FRMPD1: variants seen among roughly 807,000 people sequenced by gnomAD.
FRMPD1 encodes the protein FERM and PDZ domain-containing protein 1.
A neutral mutation model predicts 117.8 loss-of-function variants in FRMPD1; 76 were observed. The ratio of observed to expected loss-of-function variants is 0.65; its 90% CI spans 0.54 to 0.78. FRMPD1 has a LOEUF of 0.78. Among genes scored for constraint, FRMPD1 ranks in the 30% least tolerant of loss-of-function variants. The pLI is 0.00. For missense variants in FRMPD1, 1,786 were observed against 1,964.5 expected (o/e 0.91, Z 1.72); for synonymous variants, 783 against 770.4 (o/e 1.02, Z -0.27).
the FRMPD1 span, among the ~76,000 whole-genome samples, chr9:37,616,409 G>T: frequency 1.3e-5 from 2 of 152,214 alleles, no homozygotes; most frequent in Admixed American, 1.3e-4. Flanking sequence ...GAGCCACTGC[G>T]CCCGGCCCAC....
chr9:37,746,902 T>C lies in FRMPD1; in HGVS notation c.*133T>C. On this transcript the variant is annotated 3_prime_UTR_variant, in exon 16 of 16. Transcript: ENST00000377765. ...TATTCAAATAAACTGCTGCTTAATC[T>C]TGGCCTGAGTCATAGAGTTTGGGTT... 3.1e-6 allele frequency: 2 copies of C among 639,592 alleles called. No individual in the cohort carries two copies. The highest frequency in any genetic ancestry group is 5.4e-6 in the Non-Finnish European group (2 of 368,410). 39.6% of individuals were successfully genotyped at this position (639,592 alleles called of 1,614,324 possible).
At chr9:37,660,210 C>T (rs966707452) in intron 1 of FRMPD1, among the ~76,000 whole-genome samples, 7 of 152,090 alleles carry the variant, frequency 4.6e-5, no homozygotes, top group African/African-American at 1.7e-4. Flanking sequence ...CAGTCCCTGC[C>T]CCACCTGCGG....
In FRMPD1 at chr9:37,740,958, C is replaced by A; in HGVS notation, c.2356+74C>A. The A allele has an allele frequency of 8.6e-7, 1 of 1,163,522 alleles. No homozygotes were observed. The highest frequency in any genetic ancestry group is 1.3e-6 in the Non-Finnish European group (1 of 776,648). 72.1% of individuals were successfully genotyped at this position (1,163,522 alleles called of 1,614,324 possible). On this transcript the variant is annotated intron_variant, in intron 15 of 15. Coordinates refer to ENST00000377765, the MANE Select transcript of FRMPD1 (RefSeq NM_014907.3). This position sits in a 1 kb window ranked among gnomAD's most constrained non-coding sequence, Gnocchi z 4.2. ...GCCTCCCGGGGATCAAGGCCTGGGG[C>A]CAAGCTTGAGAGGAAGGCACATGAG... is the stretch of plus-strand genomic sequence containing the variant.
intron 1 of FRMPD1, among the ~76,000 whole-genome samples, chr9:37,675,631 A>C (rs1821503846): frequency 6.6e-6 from 1 of 152,148 alleles, no homozygotes; most frequent in Admixed American, 6.5e-5. Context: ...AATGGTGCTC[A>C]TGATGTAGGT....
intron 1 of FRMPD1, among the ~76,000 whole-genome samples, chr9:37,655,204 C>G (rs978717383): frequency 6.6e-6 from 1 of 152,218 alleles, no homozygotes; most frequent in African/African-American, 2.4e-5. Flanking sequence ...CTGAAATCTA[C>G]TCAGTAAGGA....
At chr9:37,627,072 C>T in the FRMPD1 span, among the ~76,000 whole-genome samples, 1 of 124,538 alleles carries the variant, frequency 8.0e-6, no homozygotes, top group Non-Finnish European at 1.8e-5. Context: ...TCAGGTTTTC[C>T]TGCGTTTTCC....
At chr9:37,624,507 T>G in the FRMPD1 span, among the ~76,000 whole-genome samples, 1 of 152,150 alleles carries the variant, frequency 6.6e-6, no homozygotes, top group African/African-American at 2.4e-5. Flanking sequence ...AACAAAGGGG[T>G]TTCCCTCAAA....
At chr9:37,629,437 G>T in the FRMPD1 span, among the ~76,000 whole-genome samples, 1 of 152,274 alleles carries the variant, frequency 6.6e-6, no homozygotes, top group African/African-American at 2.4e-5. Flanking sequence ...GGAGTGGAGT[G>T]GGGGCTGCTC....
the FRMPD1 span, among the ~76,000 whole-genome samples, chr9:37,606,306 A>T: frequency 6.6e-6 from 1 of 152,220 alleles, no homozygotes; most frequent in African/African-American, 2.4e-5. Context: ...CATCTATTGG[A>T]TCAAGCCTCT....
rs867980931 is a variant in FRMPD1 at position 37,653,244 on chromosome 9, T to A, written c.-5+2150T>A. The stretch of plus-strand genomic sequence containing the variant: ...TCCAAACTCACAAGATTAAATGAGA[T>A]CATGTATAACAGTGTCTAATAGGAT... On this transcript the variant is annotated intron_variant, in intron 1 of 15. Transcript: ENST00000377765. Among the ~76,000 whole-genome samples the A allele has an allele frequency of 8.5e-5, 13 of 152,186 alleles. 1 individual carries two copies. The highest frequency in any genetic ancestry group is 3.3e-4 in the Admixed American group (5 of 15,276).
chr9:37,664,916 C>T (rs1821116339), intron 1 of FRMPD1, among the ~76,000 whole-genome samples: 2 of 152,146 alleles, frequency 1.3e-5, no homozygotes. Flanking sequence ...GCATTAAAAA[C>T]TTGTATAGTC....
At chr9:37,647,720 C>T (rs1018801359), upstream of FRMPD1, among the ~76,000 whole-genome samples, 8 of 152,072 alleles carry the variant, frequency 5.3e-5, no homozygotes, top group Non-Finnish European at 1.2e-4. Context: ...GGGTGTGCTG[C>T]GTGCTTTATT....
the FRMPD1 span, among the ~76,000 whole-genome samples, chr9:37,607,798 T>C: frequency 6.6e-6 from 1 of 152,226 alleles, no homozygotes; most frequent in African/African-American, 2.4e-5. Flanking sequence ...TAGGTTTTGA[T>C]GTTAGAAGCT....
the FRMPD1 span, among the ~76,000 whole-genome samples, chr9:37,632,634 C>A: frequency 6.6e-6 from 1 of 152,062 alleles, no homozygotes; most frequent in East Asian, 1.9e-4. Flanking sequence ...GAGAAAAAAC[C>A]TTTTTGTGAC....
chr9:37,739,521 C>T (rs1309007230), intron 14 of FRMPD1, among the ~76,000 whole-genome samples: 1 of 152,156 alleles, frequency 6.6e-6, no homozygotes, highest in Non-Finnish European at 1.5e-5. Context: ...CTACAAAGCC[C>T]ATAGCACCCA....
chr9:37,736,650 T>C (rs1164119231), intron 13 of FRMPD1, among the ~76,000 whole-genome samples: 1 of 152,160 alleles, frequency 6.6e-6, no homozygotes, highest in Non-Finnish European at 1.5e-5. Flanking sequence ...TGGTGCTTTA[T>C]TCTTATCACC....
the FRMPD1 span, among the ~76,000 whole-genome samples, chr9:37,620,849 G>A: frequency 2.0e-4 from 30 of 151,964 alleles, no homozygotes; most frequent in African/African-American, 6.3e-4. Context: ...TTATTGGTGT[G>A]TATTTGCAAT....
the FRMPD1 span, among the ~76,000 whole-genome samples, chr9:37,629,728 T>C: frequency 6.6e-6 from 1 of 152,218 alleles, no homozygotes; most frequent in African/African-American, 2.4e-5. Context: ...AATGGGGACC[T>C]GGTGGGCCTG....
chr9:37,632,787 T>G, the FRMPD1 span, among the ~76,000 whole-genome samples: 14 of 151,978 alleles, frequency 9.2e-5, no homozygotes, highest in Admixed American at 2.0e-4. Flanking sequence ...TGGGGTCAGC[T>G]GCCCTCAAAT....
Sources: gnomAD v4.1 joint callset for allele counts (sites outside exome capture counted in the v4.1 genomes callset) on GRCh38, gnomAD v4.1.1 for gene constraint, Gnocchi (gnomAD v3.1) non-coding constraint, MANE v1.5 for transcripts, NCBI Gene and HGNC (gene_info 2026-07-23, HGNC 2026-07-21) for gene names.